The following COL28A1 variants were observed in gnomAD, a reference collection of about 807,000 sequenced individuals.
The protein encoded by COL28A1 is collagen alpha-1(XXVIII) chain.
COL28A1 carries 161 observed loss-of-function variants against 150.2 expected under a neutral mutation model. The ratio of observed to expected loss-of-function variants is 1.07; its 90% CI spans 0.94 to 1.22. The LOEUF is 1.22. COL28A1 is among the 50% of genes most tolerant of loss of function. The pLI, the probability that COL28A1 is intolerant of heterozygous loss-of-function variation, is 0.00. For synonymous variants in COL28A1, 552 were observed against 469.7 expected, an observed-to-expected ratio of 1.18 and a Z score of -2.26; for missense variants, 1,617 against 1,388.3, an observed-to-expected ratio of 1.16 and a Z score of -2.62.
At chr7:7,363,552 T>C (rs1168886253) in intron 33 of COL28A1, among the ~76,000 whole-genome samples, 1 of 152,164 alleles carries the variant, frequency 6.6e-6, no homozygotes, top group African/African-American at 2.4e-5. Flanking sequence ...GAAAGGAATT[T>C]TAGAAAATGT....
At chr7:7,500,375 G>A (rs977495522) in intron 11 of COL28A1, among the ~76,000 whole-genome samples, 5 of 152,220 alleles carry the variant, frequency 3.3e-5, no homozygotes, top group Admixed American at 2.6e-4. Flanking sequence ...AGTGTGCAAA[G>A]CAGAATTTTT....
chr7:7,389,304 TGTA>T (rs1441971192), intron 27 of COL28A1, among the ~76,000 whole-genome samples: 1 of 152,170 alleles, frequency 6.6e-6, no homozygotes, highest in Non-Finnish European at 1.5e-5. Context: ...ACCAGATGGT[TGTA>T]GATGTATAGT....
chr7:7,434,243 AT>A (rs1262507304), intron 23 of COL28A1, among the ~76,000 whole-genome samples: 1 of 152,224 alleles, frequency 6.6e-6, no homozygotes, highest in Non-Finnish European at 1.5e-5. Context: ...ACTCAAGGTG[AT>A]TTTTTAAAGT....
At chr7:7,528,626 C>T (rs545014714) in intron 3 of COL28A1, among the ~76,000 whole-genome samples, 3 of 152,094 alleles carry the variant, frequency 2.0e-5, no homozygotes, top group Non-Finnish European at 4.4e-5. Flanking sequence ...ATACTGGGTA[C>T]AAGAAGCCTG....
At chr7:7,375,589 G>A in intron 30 of COL28A1, 92 bp from the exon 31 acceptor site, 1 of 709,428 alleles carries the variant, frequency 1.4e-6, no homozygotes, top group Non-Finnish European at 2.1e-6. Flanking sequence ...ATCAGCACTG[G>A]ACCATTTGAT....
chr7:7,389,394 C>A (rs1320531443), intron 27 of COL28A1, among the ~76,000 whole-genome samples: 1 of 152,158 alleles, frequency 6.6e-6, no homozygotes, highest in Non-Finnish European at 1.5e-5. Context: ...GTTTGGGTTA[C>A]TGTAGCCTCA....
At chr7:7,416,818 T>C (rs1311892317) in intron 27 of COL28A1, among the ~76,000 whole-genome samples, 1 of 152,180 alleles carries the variant, frequency 6.6e-6, no homozygotes, top group East Asian at 1.9e-4. Flanking sequence ...TACACAGAAG[T>C]AGGCAGTTTA....
downstream of COL28A1, among the ~76,000 whole-genome samples, chr7:7,353,866 A>G (rs1780285198): frequency 6.6e-6 from 1 of 152,172 alleles, no homozygotes; most frequent in East Asian, 1.9e-4. Context: ...CAACAACAAT[A>G]TAGTGACTGA....
intron 21 of COL28A1, among the ~76,000 whole-genome samples, chr7:7,438,458 C>G (rs1246395109): frequency 1.3e-5 from 2 of 152,130 alleles, no homozygotes; most frequent in Non-Finnish European, 2.9e-5. Flanking sequence ...ATGCACAGTT[C>G]TGGGTTCAAA....
chr7:7,524,365 G>T, intron 3 of COL28A1, 116 bp from the exon 4 acceptor site: 1 of 712,572 alleles, frequency 1.4e-6, no homozygotes. Context: ...TAGCAATTCA[G>T]CCTTTTTAAA....
intron 30 of COL28A1, among the ~76,000 whole-genome samples, chr7:7,376,890 C>T (rs55990737): frequency 6.6e-6 from 1 of 152,052 alleles, no homozygotes; most frequent in Non-Finnish European, 1.5e-5. Context: ...AAAAGTTGTG[C>T]TAACTGACAC....
At chr7:7,509,414 T>C (rs1330601520) in intron 9 of COL28A1, among the ~76,000 whole-genome samples, 1 of 152,230 alleles carries the variant, frequency 6.6e-6, no homozygotes, top group South Asian at 2.1e-4. Flanking sequence ...ATCTGATTGC[T>C]ACTGTATTCG....
chr7:7,413,607 G>A (rs900327243), intron 27 of COL28A1, among the ~76,000 whole-genome samples: 4 of 152,102 alleles, frequency 2.6e-5, no homozygotes, highest in African/African-American at 9.7e-5. Flanking sequence ...TTGCCTGCTG[G>A]GTTTAAGTGG....
chr7:7,499,970 T>C (rs556931525), intron 11 of COL28A1, among the ~76,000 whole-genome samples: 1 of 152,308 alleles, frequency 6.6e-6, no homozygotes, highest in African/African-American at 2.4e-5. Context: ...AAAATACAAA[T>C]TAAACCCCAA....
chr7:7,477,600 T>C (rs889133851), intron 13 of COL28A1, among the ~76,000 whole-genome samples: 52 of 152,188 alleles, frequency 3.4e-4, no homozygotes, highest in African/African-American at 1.2e-3. Flanking sequence ...TGATGTTCAG[T>C]TGTGTTCCCA....
chr7:7,483,753 T>C (rs1779475217), intron 13 of COL28A1, among the ~76,000 whole-genome samples: 1 of 151,544 alleles, frequency 6.6e-6, no homozygotes, highest in Non-Finnish European at 1.5e-5. Context: ...AATAAAATAA[T>C]AGAGACAAAA....
At chr7:7,420,995 C>T (rs1291685785) in intron 25 of COL28A1, among the ~76,000 whole-genome samples, 1 of 152,126 alleles carries the variant, frequency 6.6e-6, no homozygotes, top group Non-Finnish European at 1.5e-5. Context: ...TACATATACA[C>T]CCAAAGAAAA....
At chr7:7,368,338 G>C (rs775705697) in intron 33 of COL28A1, among the ~76,000 whole-genome samples, 18 of 150,994 alleles carry the variant, frequency 1.2e-4, no homozygotes, top group Non-Finnish European at 2.2e-4. Context: ...GACTGAATTT[G>C]TTCAACTTTC....
chr7:7,398,435 C>G (rs1429411449), intron 27 of COL28A1, among the ~76,000 whole-genome samples: 1 of 152,192 alleles, frequency 6.6e-6, no homozygotes, highest in Non-Finnish European at 1.5e-5. Flanking sequence ...CAGCAACAGT[C>G]AAGCCACTTA....
Sources: gnomAD v4.1 joint callset for allele counts (sites outside exome capture counted in the v4.1 genomes callset) on GRCh38, gnomAD v4.1.1 for gene constraint, MANE v1.5 for transcripts, NCBI Gene and HGNC (gene_info 2026-07-23, HGNC 2026-07-21) for gene names.